Variants in DENND5B observed in about 807,000 individuals in gnomAD.
The protein encoded by DENND5B is DENN domain-containing protein 5B.
DENND5B carries 34 observed loss-of-function variants against 140.6 expected under a neutral mutation model. The ratio of observed to expected loss-of-function variants is 0.24; its 90% CI spans 0.18 to 0.32. DENND5B has a LOEUF of 0.32. Ranked by LOEUF, DENND5B falls within the 10% of genes least tolerant of loss-of-function variation. The probability of loss-of-function intolerance (pLI) is 1.00; values close to 1 mark genes in which losing one functional copy is unlikely to be tolerated. For missense variants in DENND5B, 1,142 were observed against 1,560.2 expected, an observed-to-expected ratio of 0.73 and a Z score of 4.52; for synonymous variants, 551 against 562.1, an observed-to-expected ratio of 0.98 and a Z score of 0.28.
At chr12:31,541,930 G>T (rs1281532440) in intron 1 of DENND5B, among the ~76,000 whole-genome samples, 1 of 152,180 alleles carries the variant, frequency 6.6e-6, no homozygotes, top group Non-Finnish European at 1.5e-5. Flanking sequence ...ATTATGTTAA[G>T]TGAAATAAGC....
At chr12:31,541,118 T>C (rs1253735826) in intron 1 of DENND5B, 3 of 414,720 alleles carry the variant, frequency 7.2e-6, no homozygotes, top group African/African-American at 2.1e-5. Context: ...AAAGAAAACA[T>C]TGGGGAACCT....
intron 3 of DENND5B, among the ~76,000 whole-genome samples, chr12:31,461,014 C>A (rs931043875): frequency 3.3e-5 from 5 of 152,198 alleles, no homozygotes; most frequent in African/African-American, 1.2e-4. Flanking sequence ...GCGTGAACCA[C>A]CGCACCAGGC....
intron 14 of DENND5B, among the ~76,000 whole-genome samples, chr12:31,407,487 G>C (rs998935767): frequency 6.6e-6 from 1 of 152,134 alleles, no homozygotes; most frequent in Non-Finnish European, 1.5e-5. Flanking sequence ...CCTAATCAAC[G>C]AATAGTAACT....
At chr12:31,395,331 C>T (rs1219851638) in intron 17 of DENND5B, among the ~76,000 whole-genome samples, 1 of 152,192 alleles carries the variant, frequency 6.6e-6, no homozygotes, top group Non-Finnish European at 1.5e-5. Context: ...CAGTGGCTCA[C>T]GCCTGCAATC....
At chr12:31,538,005 A>G (rs1441785283) in intron 1 of DENND5B, among the ~76,000 whole-genome samples, 2 of 152,204 alleles carry the variant, frequency 1.3e-5, no homozygotes, top group Non-Finnish European at 2.9e-5. Flanking sequence ...AGATACATAA[A>G]GCAAATATTG....
rs769729603 is a variant in DENND5B, at chr12:31,392,710, A to G, written c.3257-14T>C. ...CAGCATTGGGTTCTGTAAAATAATAAACAGTGGCTGCATTCTCATGGGAGA... is the reference window on the plus strand; with the variant it reads ...CAGCATTGGGTTCTGTAAAATAATAGACAGTGGCTGCATTCTCATGGGAGA... On this transcript the variant is annotated splice_polypyrimidine_tract_variant and intron_variant, in intron 17 of 20. Coordinates refer to ENST00000389082, the MANE Select transcript of DENND5B (RefSeq NM_144973.4). The G allele has an allele frequency of 5.1e-5, 79 of 1,550,142 alleles. No homozygotes were observed. Among genetic ancestry groups the G allele is most frequent in the Non-Finnish European group, 6.5e-5 (74 of 1,145,896 alleles).
chr12:31,388,255 T>C (rs1395505201), intron 20 of DENND5B, among the ~76,000 whole-genome samples: 1 of 143,198 alleles, frequency 7.0e-6, no homozygotes, highest in Non-Finnish European at 1.5e-5. Context: ...TTTTAACTTA[T>C]ATAACATAAC....
At position 31,445,624 on chromosome 12, in the gene DENND5B, C is replaced by T. The variant is rs1386029106; in HGVS notation, c.1861+1914G>A. 2.0e-5 allele frequency among the ~76,000 whole-genome samples: 3 copies of T among 151,566 alleles called. No individual in the cohort carries two copies. In the East Asian group the frequency reaches 5.8e-4, roughly 29 times the overall value. ...GGAGGCTGTGGTGGGAGGATCACTT[C>T]AACCCAGGAGGCAGAGGTTGCAGTG... is the stretch of plus-strand genomic sequence containing the variant. On this transcript the variant is annotated intron_variant, in intron 6 of 20. Coordinates refer to ENST00000389082, the MANE Select transcript of DENND5B (RefSeq NM_144973.4).
chr12:31,418,672 T>C (rs1296554523), intron 11 of DENND5B, among the ~76,000 whole-genome samples: 3 of 151,970 alleles, frequency 2.0e-5, no homozygotes, highest in Non-Finnish European at 2.9e-5. Flanking sequence ...GAATGAAAGA[T>C]GGCCACACAG....
intron 14 of DENND5B, among the ~76,000 whole-genome samples, chr12:31,404,287 T>C (rs1044177276): frequency 1.3e-5 from 2 of 152,014 alleles, no homozygotes; most frequent in African/African-American, 4.8e-5. Flanking sequence ...AGCCATACAT[T>C]TCTGGTTTTT....
At chr12:31,578,394 C>T (rs1950097907) in intron 1 of DENND5B, among the ~76,000 whole-genome samples, 1 of 152,176 alleles carries the variant, frequency 6.6e-6, no homozygotes, top group Non-Finnish European at 1.5e-5. Flanking sequence ...AGCAAACAGA[C>T]TGACTACTTC....
At chr12:31,575,099 A>G (rs1949964808) in intron 1 of DENND5B, among the ~76,000 whole-genome samples, 1 of 152,246 alleles carries the variant, frequency 6.6e-6, no homozygotes. Flanking sequence ...ATTTATTAAG[A>G]AAATACATAC....
At chr12:31,543,482 A>G (rs561042621) in intron 1 of DENND5B, among the ~76,000 whole-genome samples, 3 of 152,314 alleles carry the variant, frequency 2.0e-5, no homozygotes, top group Non-Finnish European at 4.4e-5. Flanking sequence ...CTGGAAAAAA[A>G]CCCACTAGGC....
At chr12:31,423,787 T>G (rs1593127907) in intron 10 of DENND5B, 112 bp from the exon 11 acceptor site, 6 of 987,730 alleles carry the variant, frequency 6.1e-6, no homozygotes, top group Non-Finnish European at 9.3e-6. Flanking sequence ...TGACCCAAGC[T>G]CACTCATTCC....
chr12:31,484,516 T>G (rs767384530), intron 2 of DENND5B, among the ~76,000 whole-genome samples: 1 of 151,974 alleles, frequency 6.6e-6, no homozygotes, highest in Non-Finnish European at 1.5e-5. Context: ...AAAATCGTCA[T>G]CTTGGAGCCA....
At chr12:31,589,516 TG>T (rs1423727040) in intron 1 of DENND5B, among the ~76,000 whole-genome samples, 1 of 152,198 alleles carries the variant, frequency 6.6e-6, no homozygotes, top group African/African-American at 2.4e-5. Flanking sequence ...AGCCAAGACG[TG>T]GGTTGATGGG....
chr12:31,435,309 CAT>C (rs1207682896), intron 7 of DENND5B, among the ~76,000 whole-genome samples: 1 of 152,158 alleles, frequency 6.6e-6, no homozygotes, highest in African/African-American at 2.4e-5. Context: ...AATACACACA[CAT>C]AAACATCCTC....
Position 31,426,349 on chromosome 12 carries a change from T to C in DENND5B, c.2182A>G (p.Ile728Val). 6.2e-7 allele frequency: 1 copy of C among 1,612,084 alleles called. No individual in the cohort carries two copies. The change falls in exon 9 of 21, where the codon ATT becomes GTT. Residue 728 changes from isoleucine (I) to valine (V), a missense_variant. Coordinates refer to ENST00000389082, the MANE Select transcript of DENND5B (RefSeq NM_144973.4). The stretch of plus-strand genomic sequence containing the variant: ...ACGAATTTACAGTTGGTCTGTGCAA[T>C]AACTGCAGGAGAGAGGTCTGACAGT... The part of the protein sequence containing the change: ...PKLSDLSPAV[I>V]AQTNCKFVEG...
chr12:31,514,944 C>A (rs974443606), intron 1 of DENND5B, among the ~76,000 whole-genome samples: 3 of 152,082 alleles, frequency 2.0e-5, no homozygotes, highest in Non-Finnish European at 4.4e-5. Flanking sequence ...ATATCAAGAC[C>A]TTTTTCTCTA....
Sources: gnomAD v4.1 joint callset for allele counts (sites outside exome capture counted in the v4.1 genomes callset) on GRCh38, gnomAD v4.1.1 for gene constraint, MANE v1.5 for transcripts, NCBI Gene and HGNC (gene_info 2026-07-23, HGNC 2026-07-21) for gene names.